Variants in LRRC49 observed in about 807,000 individuals in gnomAD.
LRRC49 encodes the protein leucine rich repeat containing 49, also known as leucine-rich repeat-containing protein 49.
In LRRC49, 50 loss-of-function variants were observed where a neutral mutation model predicts 83.3. The observed-to-expected ratio is 0.60, with a 90% confidence interval of 0.48 to 0.76. The LOEUF is 0.76. Ranked by LOEUF, LRRC49 falls within the 30% of genes least tolerant of loss-of-function variation. LRRC49 has a pLI of 0.00. For synonymous variants in LRRC49, 286 were observed against 283.3 expected (o/e 1.01, Z -0.10); for missense variants, 704 against 809.1 (o/e 0.87, Z 1.58).
chr15:70,922,436 A>G (rs903691015), intron 7 of LRRC49, among the ~76,000 whole-genome samples: 1 of 152,154 alleles, frequency 6.6e-6, no homozygotes, highest in African/African-American at 2.4e-5. Flanking sequence ...AAAAACACAT[A>G]TCGCATGTTC....
At chr15:70,903,453 G>T (rs1263336211) in intron 4 of LRRC49, among the ~76,000 whole-genome samples, 1 of 151,686 alleles carries the variant, frequency 6.6e-6, no homozygotes, top group East Asian at 1.9e-4. Context: ...TCTTAAACAG[G>T]TTTCTTCAGA....
At chr15:70,914,610 C>A (rs964571243) in intron 6 of LRRC49, among the ~76,000 whole-genome samples, 1 of 152,092 alleles carries the variant, frequency 6.6e-6, no homozygotes, top group African/African-American at 2.4e-5. Context: ...GTAGAAACAT[C>A]AAGACTTAGC....
chr15:70,939,868 T>TA (rs2035743604), intron 8 of LRRC49, among the ~76,000 whole-genome samples: 1 of 150,454 alleles, frequency 6.6e-6, no homozygotes, highest in Non-Finnish European at 1.5e-5. Flanking sequence ...TTTTTTTTTT[T>TA]AGGAAGGAAT....
intron 8 of LRRC49, among the ~76,000 whole-genome samples, chr15:70,946,167 T>G (rs980238376): frequency 6.6e-6 from 1 of 152,176 alleles, no homozygotes; most frequent in African/African-American, 2.4e-5. Context: ...ACATTGTTAT[T>G]AAATATAATC....
chr15:70,907,856 G>A (rs763384139), intron 5 of LRRC49: 5 of 420,022 alleles, frequency 1.2e-5, no homozygotes, highest in African/African-American at 2.0e-5. Flanking sequence ...TCACATTGGT[G>A]TTAACGTAAA....
At chr15:71,004,535 A>G (rs1423845884) in intron 11 of LRRC49, among the ~76,000 whole-genome samples, 1 of 152,090 alleles carries the variant, frequency 6.6e-6, no homozygotes, top group African/African-American at 2.4e-5. Context: ...CTGTAATCCC[A>G]GCTACTCGGG....
Position 70,900,927 on chromosome 15 carries a change from C to G in LRRC49, c.199C>G (p.His67Asp). The part of the protein sequence containing the change: ...ERNYSSRQGD[H>D]INLVSSSLSS... ...TTGTATATCATTTTTAATAGGTGAT[C>G]ATATTAATTTGGTGAGCTCATCATT... Residue 67 changes from histidine to aspartate, a missense_variant, in exon 4 of 16, where the codon CAT becomes GAT. Physicochemically the swap from His to Asp is moderately conservative, Grantham distance 81. Around this residue, in one of 3 missense-constraint regions of LRRC49, gnomAD observed 261 missense variants for 330.5 expected, o/e 0.79. Transcript: ENST00000260382. 2 of 1,575,050 alleles carry G rather than the reference C, an allele frequency of 1.3e-6. No homozygotes were observed. The highest frequency in any genetic ancestry group is 1.7e-6 in the Non-Finnish European group (2 of 1,152,142).
intron 7 of LRRC49, among the ~76,000 whole-genome samples, chr15:70,924,878 A>G (rs1233508922): frequency 6.6e-6 from 1 of 151,990 alleles, no homozygotes; most frequent in Non-Finnish European, 1.5e-5. Flanking sequence ...ATCATATTCC[A>G]TTGCCTTTGA....
chr15:70,984,845 G>T (rs2037542721), intron 11 of LRRC49, among the ~76,000 whole-genome samples: 1 of 144,534 alleles, frequency 6.9e-6, no homozygotes, highest in Middle Eastern at 4.0e-3. Flanking sequence ...TGTTCTCATT[G>T]TTCAGTTCCC....
At position 70,892,859 on chromosome 15, in the gene LRRC49, G is replaced by T. The variant is rs560456480; in HGVS notation, c.-36G>T. 31 of 1,614,212 alleles carry T rather than the reference G, an allele frequency of 1.9e-5. No homozygotes were observed. In the African/African-American group the frequency reaches 4.0e-4, roughly 21 times the overall value. ...ATCTCCGCTGTAGCGTCACCTGGAAGGCAGATCTAACAGAGAACCTGGACT... is the reference window on the plus strand; with the variant it reads ...ATCTCCGCTGTAGCGTCACCTGGAATGCAGATCTAACAGAGAACCTGGACT... On this transcript the variant is annotated 5_prime_UTR_variant, in exon 1 of 16. In the 5' UTR this introduces an upstream ATG that the reference lacks. Coordinates refer to ENST00000260382, the MANE Select transcript of LRRC49 (RefSeq NM_017691.5).
At chr15:70,951,140 C>T (rs2036201900) in intron 8 of LRRC49, among the ~76,000 whole-genome samples, 1 of 152,088 alleles carries the variant, frequency 6.6e-6, no homozygotes. Flanking sequence ...ATACCAGTAC[C>T]ATGCTGTTTC....
intron 11 of LRRC49, among the ~76,000 whole-genome samples, chr15:70,991,757 C>A (rs1484546510): frequency 2.0e-5 from 3 of 152,108 alleles, no homozygotes; most frequent in Non-Finnish European, 2.9e-5. Flanking sequence ...TGTCTTATTA[C>A]CTTAACTAAA....
At chr15:70,853,714 C>T (rs2032555162) in intron 1 of LRRC49, among the ~76,000 whole-genome samples, 1 of 152,178 alleles carries the variant, frequency 6.6e-6, no homozygotes, top group South Asian at 2.1e-4. Context: ...GGGGCACCGG[C>T]TGCCTCCACG....
At chr15:70,867,832 C>T (rs372614588) in intron 1 of LRRC49, among the ~76,000 whole-genome samples, 5 of 152,108 alleles carry the variant, frequency 3.3e-5, no homozygotes, top group African/African-American at 4.8e-5. Flanking sequence ...AATCTTGTCA[C>T]GCATTTCTTT....
chr15:70,885,110 A>T (rs750415371), intron 2 of LRRC49, among the ~76,000 whole-genome samples: 5 of 152,202 alleles, frequency 3.3e-5, no homozygotes, highest in Non-Finnish European at 7.4e-5. Context: ...TCTCTTGTGT[A>T]GATATCCGAT....
Position 70,919,301 on chromosome 15 carries a change from G to T in LRRC49, c.711+108G>T, listed in dbSNP as rs185110413. On this transcript the variant is annotated intron_variant, in intron 7 of 15. Transcript: ENST00000260382. ...AAAGTAAGAATCTACGGTTATTTAG[G>T]TTTTTTCTGAATTTAAATTGTGGAT... 84 of 1,007,926 alleles carry T rather than the reference G, an allele frequency of 8.3e-5. 1 individual carries two copies. The highest frequency in any genetic ancestry group is 6.9e-4 in the African/African-American group (42 of 60,906). The allele number at this position is 1,007,926 out of a possible 1,614,324, so 62.4% of individuals were successfully genotyped here.
chr15:70,983,245 G>T (rs1413238121), intron 10 of LRRC49, among the ~76,000 whole-genome samples: 1 of 151,962 alleles, frequency 6.6e-6, no homozygotes, highest in Non-Finnish European at 1.5e-5. Context: ...CAGTAGTCTA[G>T]ATCTGCTTTT....
intron 1 of LRRC49, among the ~76,000 whole-genome samples, chr15:70,868,115 C>T (rs2032951762): frequency 1.3e-5 from 2 of 152,156 alleles, no homozygotes; most frequent in South Asian, 4.1e-4. Context: ...TTTGCAATCT[C>T]CAGCCACAGC....
At chr15:71,046,164 C>G (rs369810090) in intron 15 of LRRC49, among the ~76,000 whole-genome samples, 1 of 152,002 alleles carries the variant, frequency 6.6e-6, no homozygotes, top group Non-Finnish European at 1.5e-5. Flanking sequence ...AACATATGAG[C>G]GCATGTGTCT....
Sources: gnomAD v4.1 joint callset for allele counts (sites outside exome capture counted in the v4.1 genomes callset) on GRCh38, gnomAD v4.1.1 for gene constraint, gnomAD v4.1.1 regional missense constraint, MANE v1.5 for transcripts, NCBI Gene and HGNC (gene_info 2026-07-23, HGNC 2026-07-21) for gene names.